The following DCC variants were observed in gnomAD, a reference collection of about 807,000 sequenced individuals.
The protein encoded by DCC is DCC netrin 1 receptor.
A neutral mutation model predicts 172.5 loss-of-function variants in DCC; 58 were observed. The observed-to-expected ratio is 0.34, with a 90% CI of 0.27 to 0.42. The LOEUF is 0.42. DCC is among the 10% of genes least tolerant of loss of function. The probability of loss-of-function intolerance (pLI) is 1.00; values close to 1 mark genes in which losing one functional copy is unlikely to be tolerated. For missense variants in DCC, 1,740 were observed against 1,791.0 expected, an observed-to-expected ratio of 0.97 and a Z score of 0.51; for synonymous variants, 709 against 644.5, an observed-to-expected ratio of 1.10 and a Z score of -1.52.
chr18:52,539,492 G>A (rs926081031), intron 1 of DCC, among the ~76,000 whole-genome samples: 2 of 152,176 alleles, frequency 1.3e-5, no homozygotes, highest in Admixed American at 1.3e-4. Context: ...ATCAGTGGCA[G>A]CATTAGATTC....
intron 12 of DCC, among the ~76,000 whole-genome samples, chr18:53,285,440 C>T (rs570780721): frequency 6.3e-4 from 96 of 152,302 alleles, no homozygotes; most frequent in African/African-American, 2.0e-3. Context: ...GAAGCTTCTA[C>T]GTTTTTAAGC....
At chr18:53,500,594 A>C (rs1421960821) in intron 27 of DCC, among the ~76,000 whole-genome samples, 1 of 151,774 alleles carries the variant, frequency 6.6e-6, no homozygotes, top group Admixed American at 6.6e-5. Flanking sequence ...TTAAGAATGT[A>C]TCTAGTTGCT....
chr18:53,471,001 C>A (rs1194396682), intron 25 of DCC, among the ~76,000 whole-genome samples: 1 of 152,122 alleles, frequency 6.6e-6, no homozygotes, highest in Admixed American at 6.6e-5. Context: ...CAGTCTTTTA[C>A]CAAATTATTG....
intron 1 of DCC, among the ~76,000 whole-genome samples, chr18:52,576,673 C>CA (rs907981813): frequency 6.6e-6 from 1 of 151,654 alleles, no homozygotes; most frequent in African/African-American, 2.4e-5. Context: ...ACGAAAAATA[C>CA]AAAAAAATTA....
chr18:53,508,021 G>T (rs2046203874), intron 27 of DCC, among the ~76,000 whole-genome samples: 1 of 151,336 alleles, frequency 6.6e-6, no homozygotes, highest in South Asian at 2.1e-4. Flanking sequence ...AGCCTCCCGA[G>T]AGCTGGGACT....
chr18:52,973,339 C>T (rs977489486), intron 5 of DCC, among the ~76,000 whole-genome samples: 2 of 152,050 alleles, frequency 1.3e-5, no homozygotes, highest in African/African-American at 2.4e-5. Flanking sequence ...TTTTAAATCA[C>T]TTAATAAACT....
chr18:53,283,349 A>G (rs1458603831), intron 12 of DCC, among the ~76,000 whole-genome samples: 1 of 151,858 alleles, frequency 6.6e-6, no homozygotes, highest in Non-Finnish European at 1.5e-5. Context: ...AGAAAGAAGG[A>G]CTCATTTTCT....
intron 22 of DCC, among the ~76,000 whole-genome samples, chr18:53,439,034 T>G (rs555672907): frequency 1.6e-4 from 24 of 152,230 alleles, no homozygotes; most frequent in Non-Finnish European, 2.6e-4. Context: ...ATCTGAAATA[T>G]TTCTAGATTC....
At chr18:53,074,825 G>A (rs1479516252) in intron 7 of DCC, among the ~76,000 whole-genome samples, 1 of 152,064 alleles carries the variant, frequency 6.6e-6, no homozygotes, top group Non-Finnish European at 1.5e-5. Context: ...ATTTAAAAAT[G>A]TATTGGAATA....
chr18:53,189,072 T>C (rs1736046976), intron 9 of DCC, among the ~76,000 whole-genome samples: 1 of 152,222 alleles, frequency 6.6e-6, no homozygotes, highest in Non-Finnish European at 1.5e-5. Flanking sequence ...TGAATCTTAG[T>C]AAGAATTCTT....
intron 1 of DCC, among the ~76,000 whole-genome samples, chr18:52,605,684 C>T (rs2034118424): frequency 6.6e-6 from 1 of 152,118 alleles, no homozygotes; most frequent in African/African-American, 2.4e-5. Context: ...TGTCTGATTA[C>T]AGTTGGATGA....
At chr18:52,481,381 T>G (rs1224541161) in intron 1 of DCC, among the ~76,000 whole-genome samples, 3 of 149,838 alleles carry the variant, frequency 2.0e-5, no homozygotes, top group Non-Finnish European at 4.5e-5. Context: ...TTACAACATT[T>G]GCTATTTAAT....
chr18:53,024,453 T>C (rs966762176), intron 5 of DCC, among the ~76,000 whole-genome samples: 2 of 152,116 alleles, frequency 1.3e-5, no homozygotes, highest in African/African-American at 4.8e-5. Context: ...TTTGCATAGC[T>C]CTGAACAGTA....
chr18:53,405,382 C>G (rs1313957437), intron 19 of DCC, among the ~76,000 whole-genome samples: 1 of 151,892 alleles, frequency 6.6e-6, no homozygotes, highest in Non-Finnish European at 1.5e-5. Context: ...CATTTAACAT[C>G]CTTGAGTCCC....
chr18:52,825,516 A>G (rs1385619694), intron 2 of DCC, among the ~76,000 whole-genome samples: 2 of 152,172 alleles, frequency 1.3e-5, no homozygotes, highest in Admixed American at 1.3e-4. Context: ...TATTATAGTT[A>G]TATAATTATA....
intron 1 of DCC, among the ~76,000 whole-genome samples, chr18:52,659,092 C>G (rs1405559393): frequency 6.6e-6 from 1 of 151,988 alleles, no homozygotes; most frequent in Non-Finnish European, 1.5e-5. Flanking sequence ...ATCATTTTAC[C>G]TTTTGCCCAG....
chr18:53,387,031 G>A (rs560503333), intron 16 of DCC, among the ~76,000 whole-genome samples: 8 of 152,252 alleles, frequency 5.3e-5, no homozygotes, highest in East Asian at 1.9e-4. Flanking sequence ...TTCGGACGTC[G>A]TTTAACTTGT....
At chr18:53,123,361 G>A (rs2043510284) in intron 7 of DCC, among the ~76,000 whole-genome samples, 2 of 152,000 alleles carry the variant, frequency 1.3e-5, no homozygotes, top group South Asian at 4.1e-4. Flanking sequence ...AAAAGGAAGA[G>A]GCAAGGCTTT....
chr18:52,761,878 T>A (rs2037165180), intron 2 of DCC, among the ~76,000 whole-genome samples: 1 of 129,918 alleles, frequency 7.7e-6, no homozygotes, highest in South Asian at 2.3e-4. Context: ...CACTGCAGTC[T>A]GGCCTGGGTG....
Sources: gnomAD v4.1 joint callset for allele counts (sites outside exome capture counted in the v4.1 genomes callset) on GRCh38, gnomAD v4.1.1 for gene constraint, MANE v1.5 for transcripts, NCBI Gene and HGNC (gene_info 2026-07-23, HGNC 2026-07-21) for gene names.